The following USP18 variants were observed in gnomAD, a reference collection of about 807,000 sequenced individuals.
The protein encoded by USP18 is ubl carboxyl-terminal hydrolase 18.
In USP18, 11 loss-of-function variants were observed where a neutral mutation model predicts 48.7. The observed-to-expected ratio is 0.23, with a 90% CI of 0.14 to 0.37. USP18 has a LOEUF of 0.37. Among genes scored for constraint, USP18 ranks in the 10% least tolerant of loss-of-function variants. The pLI is 1.00. For missense variants in USP18, 285 were observed against 436.4 expected (o/e 0.65, Z 3.09); for synonymous variants, 114 against 163.2 (o/e 0.70, Z 2.30).
chr22:18,168,709 C>T (rs1274971859), intron 6 of USP18, among the ~76,000 whole-genome samples: 1 of 152,148 alleles, frequency 6.6e-6, no homozygotes, highest in East Asian at 1.9e-4. Flanking sequence ...AAAGTCCCCA[C>T]CTTTCCATAC....
At chr22:18,161,731 T>C (rs1205782672) in intron 3 of USP18, 59 bp from the exon 4 acceptor site, 5 of 1,403,142 alleles carry the variant, frequency 3.6e-6, no homozygotes, top group Admixed American at 2.8e-5. Flanking sequence ...GTGATTCCAG[T>C]GTGCACCTAG....
At chr22:18,164,664 G>C (rs1386653485) in intron 4 of USP18, among the ~76,000 whole-genome samples, 3 of 152,158 alleles carry the variant, frequency 2.0e-5, no homozygotes, top group African/African-American at 7.2e-5. Flanking sequence ...GAAACTGGAA[G>C]CCTGGCATTT....
At chr22:18,157,957 G>A (rs1455580156) in intron 2 of USP18, 137 bp downstream of exon 2, 1 of 1,266,452 alleles carries the variant, frequency 7.9e-7, no homozygotes, top group Non-Finnish European at 1.1e-6. Flanking sequence ...CTTTTAGATG[G>A]GGATACAGCC....
intron 1 of USP18, among the ~76,000 whole-genome samples, chr22:18,156,378 A>G (rs568490251): frequency 3.3e-5 from 5 of 152,228 alleles, no homozygotes; most frequent in Non-Finnish European, 7.3e-5. Context: ...GTTTCCTTCC[A>G]TGCTGTGGAA....
chr22:18,168,667 A>G (rs1167818308), intron 6 of USP18, among the ~76,000 whole-genome samples: 2 of 152,106 alleles, frequency 1.3e-5, no homozygotes, highest in Non-Finnish European at 2.9e-5. Flanking sequence ...GATTACAGGC[A>G]TGAGCCACCT....
In USP18 at chr22:18,169,830, C is replaced by T; in HGVS notation, c.628-14C>T. ...ACCAACGCTGCTTTTTCCCTGTTCTCTTGGGTGGGACAGGAGGACGCCCTG... is the reference window on the plus strand; with the variant it reads ...ACCAACGCTGCTTTTTCCCTGTTCTTTTGGGTGGGACAGGAGGACGCCCTG... On this transcript the variant is annotated splice_polypyrimidine_tract_variant and intron_variant, in intron 6 of 10. Coordinates refer to ENST00000215794, the MANE Select transcript of USP18 (RefSeq NM_017414.4). The T allele has an allele frequency of 1.9e-6, 3 of 1,574,134 alleles. No homozygotes were observed. The highest frequency in any genetic ancestry group is 2.6e-6 in the Non-Finnish European group (3 of 1,158,068).
intron 10 of USP18, among the ~76,000 whole-genome samples, chr22:18,174,228 C>CTT (rs200074673): frequency 9.8e-5 from 14 of 142,960 alleles, no homozygotes; most frequent in African/African-American, 3.3e-4. Context: ...CTTTTCTTTT[C>CTT]TTTTCTTTTT....
At chr22:18,160,111 G>T (rs1343255565) in intron 2 of USP18, 61 bp from the exon 3 acceptor site, 10 of 1,533,138 alleles carry the variant, frequency 6.5e-6, no homozygotes, top group Non-Finnish European at 9.0e-6. Context: ...ACCATGCCCA[G>T]CCTTGTCAAC....
At chr22:18,167,657 C>A (rs368386331) in intron 5 of USP18, among the ~76,000 whole-genome samples, 1 of 144,868 alleles carries the variant, frequency 6.9e-6, no homozygotes, top group Non-Finnish European at 1.5e-5. Flanking sequence ...GAGATCGCGC[C>A]ACTGCACTCC....
intron 3 of USP18, among the ~76,000 whole-genome samples, chr22:18,161,165 G>C (rs546156546): frequency 1.2e-3 from 185 of 151,668 alleles, no homozygotes; most frequent in African/African-American, 4.3e-3. Context: ...GTTGGGACTA[G>C]ACCAAAGTCG....
intron 1 of USP18, among the ~76,000 whole-genome samples, chr22:18,156,060 C>G (rs1487330711): frequency 6.6e-6 from 1 of 152,222 alleles, no homozygotes; most frequent in Non-Finnish European, 1.5e-5. Flanking sequence ...AATCAGCACC[C>G]TGTGTCTAGC....
chr22:18,158,864 C>T (rs1308218604), intron 2 of USP18, among the ~76,000 whole-genome samples: 1 of 152,152 alleles, frequency 6.6e-6, no homozygotes, highest in Admixed American at 6.5e-5. Flanking sequence ...CACAGATGCA[C>T]ATTTGGACTT....
intron 6 of USP18, 116 bp downstream of exon 6, chr22:18,168,152 G>C: frequency 6.7e-7 from 1 of 1,497,388 alleles, no homozygotes; most frequent in East Asian, 2.3e-5. Flanking sequence ...AGGCTGGGAA[G>C]TCAAGGTTGA....
chr22:18,165,757 C>T (rs1178335313), intron 4 of USP18, among the ~76,000 whole-genome samples: 1 of 150,636 alleles, frequency 6.6e-6, no homozygotes, highest in Non-Finnish European at 1.5e-5. Context: ...GAAACTTCCA[C>T]CCTCTAGGGG....
intron 1 of USP18, among the ~76,000 whole-genome samples, chr22:18,150,614 A>G (rs1928968826): frequency 6.6e-6 from 1 of 152,230 alleles, no homozygotes; most frequent in Non-Finnish European, 1.5e-5. Context: ...TGAGTATATT[A>G]TGGACATCTT....
At chr22:18,159,235 T>C (rs1210174206) in intron 2 of USP18, among the ~76,000 whole-genome samples, 1 of 152,088 alleles carries the variant, frequency 6.6e-6, no homozygotes, top group Non-Finnish European at 1.5e-5. Context: ...TTTGTATTTT[T>C]AGTAAATATG....
chr22:18,166,690 C>T (rs1352686626), intron 4 of USP18, among the ~76,000 whole-genome samples: 1 of 152,006 alleles, frequency 6.6e-6, no homozygotes, highest in African/African-American at 2.4e-5. Context: ...GATCTGAGCC[C>T]TCTCAGGTCT....
chr22:18,162,909 T>G (rs1345834006), intron 4 of USP18, among the ~76,000 whole-genome samples: 1 of 151,498 alleles, frequency 6.6e-6, no homozygotes, highest in East Asian at 2.0e-4. Flanking sequence ...ACTCTGATAA[T>G]GCCTATTTTG....
At chr22:18,159,750 A>C (rs1929272750) in intron 2 of USP18, among the ~76,000 whole-genome samples, 1 of 139,282 alleles carries the variant, frequency 7.2e-6, no homozygotes, top group Non-Finnish European at 1.5e-5. Flanking sequence ...ATCTTGGCTC[A>C]CTGCAAGCTC....
Sources: gnomAD v4.1 joint callset for allele counts (sites outside exome capture counted in the v4.1 genomes callset) on GRCh38, gnomAD v4.1.1 for gene constraint, MANE v1.5 for transcripts, NCBI Gene and HGNC (gene_info 2026-07-23, HGNC 2026-07-21) for gene names.